The following IARS1 variants were observed in gnomAD, a reference collection of about 807,000 sequenced individuals.
IARS1 encodes isoleucyl-tRNA synthetase 1.
Under a neutral mutation model 168.2 loss-of-function variants are expected in IARS1, and 124 were observed. That is an observed-to-expected ratio of 0.74 (90% CI 0.64 to 0.86). The LOEUF (loss-of-function observed/expected upper bound fraction) is 0.86. Among genes scored for constraint, IARS1 ranks in the 40% least tolerant of loss-of-function variants. The pLI, the probability that IARS1 is intolerant of heterozygous loss-of-function variation, is 0.00. For missense variants in IARS1, 1,452 were observed against 1,515.8 expected (o/e 0.96, Z 0.70); for synonymous variants, 532 against 529.4 (o/e 1.00, Z -0.07).
At chr9:92,257,586 A>T (rs1368322979) in intron 19 of IARS1, among the ~76,000 whole-genome samples, 2 of 152,216 alleles carry the variant, frequency 1.3e-5, no homozygotes, top group Non-Finnish European at 1.5e-5. Context: ...AGCCTGGGGA[A>T]GATGACTGCC....
intron 30 of IARS1, among the ~76,000 whole-genome samples, chr9:92,230,905 C>A (rs1188019510): frequency 6.6e-6 from 1 of 152,134 alleles, no homozygotes; most frequent in Non-Finnish European, 1.5e-5. Flanking sequence ...TGGTAAATGT[C>A]TGTTCATATC....
chr9:92,236,660 C>T (rs921817327), intron 30 of IARS1, among the ~76,000 whole-genome samples: 2 of 152,190 alleles, frequency 1.3e-5, no homozygotes, highest in East Asian at 1.9e-4. Flanking sequence ...CCAGACTGGC[C>T]AACAGGGTGA....
chr9:92,240,898 C>T lies in IARS1; in HGVS notation c.3241G>A (p.Ala1081Thr). 6.2e-7 allele frequency: 1 copy of T among 1,613,456 alleles called. No individual in the cohort carries two copies. Among genetic ancestry groups the T allele is most frequent in the East Asian group, 2.2e-5 (1 of 44,864 alleles). ...RGSSLPGPAC[A>T]YVNLNICANG... ...GCACAAATGTTAAGATTGACATATG[C>T]ACAAGCAGGACCAGGAAGGGAAGAT... is the stretch of plus-strand genomic sequence containing the variant. Residue 1081 changes from alanine to threonine, a missense_variant, in exon 30 of 34, where the codon GCA (alanine) becomes ACA (threonine). Transcript: ENST00000443024.
intron 22 of IARS1, chr9:92,251,194 G>A (rs1410197428): frequency 6.5e-6 from 3 of 461,954 alleles, no homozygotes; most frequent in African/African-American, 6.0e-5. Context: ...ACAGGATGGA[G>A]GTGATGAGAT....
chr9:92,266,841 T>G (rs28584099), intron 14 of IARS1, among the ~76,000 whole-genome samples: 1 of 152,208 alleles, frequency 6.6e-6, no homozygotes, highest in Admixed American at 6.5e-5. Context: ...AGATGTCTAG[T>G]CTTCAACTTT....
intron 21 of IARS1, 131 bp from the exon 22 acceptor site, chr9:92,252,016 G>A: frequency 1.4e-6 from 1 of 718,998 alleles, no homozygotes; most frequent in Non-Finnish European, 2.3e-6. Context: ...GACAGAGAAA[G>A]GAGAAAGGGC....
chr9:92,257,448 C>T (rs567697692), intron 19 of IARS1, among the ~76,000 whole-genome samples: 141 of 152,292 alleles, frequency 9.3e-4, no homozygotes, highest in African/African-American at 3.2e-3. Context: ...GCTTTGACCC[C>T]GCCTGTATTC....
chr9:92,291,941 A>G (rs1381960949), intron 1 of IARS1, among the ~76,000 whole-genome samples: 1 of 152,174 alleles, frequency 6.6e-6, no homozygotes, highest in African/African-American at 2.4e-5. Flanking sequence ...TGTTCTAACA[A>G]TTATTCAGGA....
At position 92,285,751 on chromosome 9, in the gene IARS1, A is replaced by G; in HGVS notation, c.568T>C (p.Ser190Pro). 6.2e-7 allele frequency: 1 copy of G among 1,610,734 alleles called. No individual in the cohort carries two copies. The highest frequency in any genetic ancestry group is 8.5e-7 in the Non-Finnish European group (1 of 1,176,902). The change falls in exon 6 of 34, where the codon TCC becomes CCC. Residue 190 changes from serine (S) to proline (P), a missense_variant. Physicochemically the swap from Ser to Pro is moderately conservative, Grantham distance 74 (BLOSUM62 -1). Coordinates refer to ENST00000443024, the MANE Select transcript of IARS1 (RefSeq NM_002161.6). ...TAATTCTGGTGTGACTCGAAGTTGG[A>G]AAGTGGAGTGTTACATGCCGTAGAG... ...PFSTACNTPL[S>P]NFESHQNYKD... is the part of the protein sequence containing the mutation.
intron 10 of IARS1, 92 bp downstream of exon 10, chr9:92,274,333 TG>T: frequency 1.1e-6 from 1 of 943,232 alleles, no homozygotes; most frequent in Non-Finnish European, 1.7e-6. Flanking sequence ...GAGGCCAACC[TG>T]GTAACCCAAC....
chr9:92,256,168 C>A (rs1393039993), intron 20 of IARS1, among the ~76,000 whole-genome samples: 3 of 151,074 alleles, frequency 2.0e-5, no homozygotes, highest in Admixed American at 1.3e-4. Context: ...CCCCTAAAGA[C>A]AGAATTCCCC....
At chr9:92,278,960 C>A (rs1834138283) in intron 7 of IARS1, among the ~76,000 whole-genome samples, 1 of 152,074 alleles carries the variant, frequency 6.6e-6, no homozygotes, top group Admixed American at 6.6e-5. Context: ...CATCTGTGTA[C>A]CCTTATTGTA....
In IARS1 at chr9:92,210,345, A is replaced by G. The variant is rs938127438; in HGVS notation, c.*462T>C. ...AATGAATTACTTTCAACACATTTAT[A>G]TCTGAGTTTGTTTATTGTTCTGATT... On this transcript the variant is annotated 3_prime_UTR_variant, in exon 34 of 34. Coordinates refer to ENST00000443024, the MANE Select transcript of IARS1 (RefSeq NM_002161.6). The G allele has an allele frequency of 1.3e-5, 2 of 152,946 alleles. No individual in the cohort carries two copies. The highest frequency in any genetic ancestry group is 4.8e-5 in the African/African-American group (2 of 41,452). The allele number at this position is 152,946 out of a possible 1,614,324, so 9.5% of individuals were successfully genotyped here.
chr9:92,279,946 T>C (rs1834300553), intron 7 of IARS1, among the ~76,000 whole-genome samples: 3 of 152,220 alleles, frequency 2.0e-5, no homozygotes, highest in South Asian at 4.1e-4. Flanking sequence ...TCCAGGTTCA[T>C]TCAAGGCATA....
Position 92,243,266 on chromosome 9 carries a change from C to T in IARS1, c.2950G>A (p.Glu984Lys), listed in dbSNP as rs1396885143. Reference protein sequence around the residue: ...DVTPDQSMVDEGMAREVINRI... With the variant: ...DVTPDQSMVDKGMAREVINRI... ...TTGATGACTTCCCGAGCCATTCCTT[C>T]ATCTACCATTGACTGGTCAGGAGTG... is the stretch of plus-strand genomic sequence containing the variant. Residue 984 changes from glutamate to lysine, a missense_variant, in exon 28 of 34, where the codon GAA becomes AAA. Glu to Lys is a moderately conservative substitution (Grantham distance 56). Transcript: ENST00000443024. 1.2e-6 allele frequency: 2 copies of T among 1,613,738 alleles called. No homozygotes were observed. The highest frequency in any genetic ancestry group is 1.7e-6 in the Non-Finnish European group (2 of 1,179,686).
At chr9:92,244,888 A>C in intron 27 of IARS1, 71 bp downstream of exon 27, 1 of 1,228,276 alleles carries the variant, frequency 8.1e-7, no homozygotes, top group Non-Finnish European at 1.2e-6. Flanking sequence ...CAGGAAAGGC[A>C]CAGGCAAATA....
chr9:92,247,629 C>T (rs1213085782), intron 25 of IARS1, 78 bp from the exon 26 acceptor site: 1 of 1,286,626 alleles, frequency 7.8e-7, no homozygotes, highest in Non-Finnish European at 1.1e-6. Flanking sequence ...TCCACAGCAG[C>T]ATTATTCCTA....
intron 30 of IARS1, among the ~76,000 whole-genome samples, chr9:92,236,874 T>G (rs543113097): frequency 3.9e-5 from 6 of 152,224 alleles, no homozygotes; most frequent in African/African-American, 1.4e-4. Context: ...GATTTATTCA[T>G]AGTATTTGCG....
At chr9:92,281,844 G>C (rs1834623153) in intron 6 of IARS1, among the ~76,000 whole-genome samples, 2 of 152,114 alleles carry the variant, frequency 1.3e-5, no homozygotes, top group African/African-American at 4.8e-5. Flanking sequence ...ACTACTATTG[G>C]CCTGTACCTC....
Sources: gnomAD v4.1 joint callset for allele counts (sites outside exome capture counted in the v4.1 genomes callset) on GRCh38, gnomAD v4.1.1 for gene constraint, MANE v1.5 for transcripts, NCBI Gene and HGNC (gene_info 2026-07-23, HGNC 2026-07-21) for gene names.